Variants in TAFA5 observed in about 807,000 individuals in gnomAD.
TAFA5 encodes the protein TAFA chemokine like family member 5.
TAFA5 carries 6 observed loss-of-function variants against 15.3 expected under a neutral mutation model. The ratio of observed to expected loss-of-function variants is 0.39; its 90% confidence interval spans 0.21 to 0.77. The LOEUF (loss-of-function observed/expected upper bound fraction) is 0.77, where lower values mean the gene tolerates loss of function less well. Ranked by LOEUF, TAFA5 falls within the 30% of genes least tolerant of loss-of-function variation. TAFA5 has a pLI of 0.41. For synonymous variants in TAFA5, 103 were observed against 80.7 expected (o/e 1.28, Z -1.48); for missense variants, 161 against 193.1 (o/e 0.83, Z 0.98).
chr22:48,710,001 C>T (rs763551211), intron 3 of TAFA5, among the ~76,000 whole-genome samples: 2 of 152,224 alleles, frequency 1.3e-5, no homozygotes, highest in Admixed American at 6.5e-5. Context: ...AAGCGAGCAG[C>T]TCAGTGGCAT....
chr22:48,585,219 A>G (rs937214606), intron 1 of TAFA5, among the ~76,000 whole-genome samples: 15 of 89,798 alleles, frequency 1.7e-4, no homozygotes, highest in Non-Finnish European at 3.3e-4. Flanking sequence ...ACACACACAG[A>G]AACCCACAAA....
chr22:48,529,968 C>T (rs1311136165), intron 1 of TAFA5, among the ~76,000 whole-genome samples: 2 of 152,208 alleles, frequency 1.3e-5, no homozygotes, highest in East Asian at 3.9e-4. Flanking sequence ...GTTGGACACC[C>T]CCTGAGGACT....
intron 1 of TAFA5, among the ~76,000 whole-genome samples, chr22:48,531,025 G>A (rs1921952583): frequency 6.6e-6 from 1 of 152,122 alleles, no homozygotes; most frequent in East Asian, 1.9e-4. Context: ...CAGCCGGCAA[G>A]AGCTGGTCAT....
At chr22:48,576,249 G>C (rs964510767) in intron 1 of TAFA5, 161 of 347,338 alleles carry the variant, frequency 4.6e-4, no homozygotes, top group Non-Finnish European at 6.8e-4. Flanking sequence ...CCCCGCCCCC[G>C]CCCGCCCCCT....
chr22:48,612,872 C>T (rs1031292188), intron 1 of TAFA5, among the ~76,000 whole-genome samples: 3 of 152,142 alleles, frequency 2.0e-5, no homozygotes, highest in African/African-American at 4.8e-5. Flanking sequence ...GAGCCACGGC[C>T]GACTGGTCAT....
chr22:48,542,560 GT>G (rs1922472836), intron 1 of TAFA5, among the ~76,000 whole-genome samples: 1 of 44,202 alleles, frequency 2.3e-5, no homozygotes, highest in African/African-American at 1.1e-4. Flanking sequence ...GTGTATGTGT[GT>G]GTGGTGTGTG....
chr22:48,654,590 G>T (rs1927172411), intron 2 of TAFA5, among the ~76,000 whole-genome samples: 1 of 152,236 alleles, frequency 6.6e-6, no homozygotes, highest in African/African-American at 2.4e-5. Flanking sequence ...TCGTCCTGTT[G>T]GGCCCCTCTG....
chr22:48,641,435 C>T (rs6010556), intron 1 of TAFA5, among the ~76,000 whole-genome samples: 11 of 152,188 alleles, frequency 7.2e-5, no homozygotes, highest in South Asian at 2.1e-4. Context: ...CTCTGACTTC[C>T]GATTTTTGCC....
chr22:48,750,185 G>A lies in TAFA5; in HGVS notation c.*338G>A. The A allele has an allele frequency of 2.4e-6, 1 of 410,172 alleles. No homozygotes were observed. The highest frequency in any genetic ancestry group is 4.4e-6 in the Non-Finnish European group (1 of 225,600). 25.4% of individuals were successfully genotyped at this position (410,172 alleles called of 1,614,324 possible). A position where few individuals can be genotyped will look rare whatever the true frequency, so the allele number is the denominator to read the frequency against. ...GGAGGAGGAGGAGGCAGCTCCGGCA[G>A]CCACAGAAGGCTGCAGCCCAGCCCG... On this transcript the variant is annotated 3_prime_UTR_variant, in exon 4 of 4. Transcript: ENST00000402357.
At chr22:48,659,542 C>A (rs1228432869) in intron 2 of TAFA5, among the ~76,000 whole-genome samples, 1 of 152,254 alleles carries the variant, frequency 6.6e-6, no homozygotes, top group Non-Finnish European at 1.5e-5. Context: ...GGCTCCAAGT[C>A]AGGGAGCCCT....
At position 48,644,000 on chromosome 22, in the gene TAFA5, C is replaced by T. The variant is rs114591903; in HGVS notation, c.113-2597C>T. Among the ~76,000 whole-genome samples, 693 of 152,344 alleles carry T rather than the reference C, an allele frequency of 4.5e-3. 4 individuals carry two copies. Among genetic ancestry groups the T allele is most frequent in the African/African-American group, 0.016 (674 of 41,582 alleles). On this transcript the variant is annotated intron_variant, in intron 1 of 3. Coordinates refer to ENST00000402357, the MANE Select transcript of TAFA5 (RefSeq NM_001082967.3). Reference sequence around the variant, plus strand: ...AACGTAAGAACGTGTGCTCGGGACCCGTCCAGATGCGTGTTGCCCCACAGC... The same window carrying T: ...AACGTAAGAACGTGTGCTCGGGACCTGTCCAGATGCGTGTTGCCCCACAGC...
chr22:48,699,174 C>T (rs993383606), intron 2 of TAFA5, among the ~76,000 whole-genome samples: 1 of 152,052 alleles, frequency 6.6e-6, no homozygotes, highest in Admixed American at 6.6e-5. Context: ...CTCAGGTGAT[C>T]GACTAGCCTG....
chr22:48,648,485 C>T lies in TAFA5; in HGVS notation c.262+1739C>T, dbSNP rs1926943349. On this transcript the variant is annotated intron_variant, in intron 2 of 3. Coordinates refer to ENST00000402357, the MANE Select transcript of TAFA5 (RefSeq NM_001082967.3). ...GTCCATGGAGAAGGGATGGGGCGTA[C>T]AGAGACAGGGCCAAGGCATCCTGAG... 2.0e-5 allele frequency among the ~76,000 whole-genome samples: 3 copies of T among 152,160 alleles called. No homozygotes were observed. The South Asian group carries it at 6.2e-4, about 32-fold the overall frequency.
chr22:48,735,992 GGAGTCCA>G (rs1930005776), intron 3 of TAFA5, among the ~76,000 whole-genome samples: 2 of 14,090 alleles, frequency 1.4e-4, no homozygotes, highest in African/African-American at 2.7e-4. Context: ...TCGCACTCCT[GGAGTCCA>G]GAGTCCATCC....
chr22:48,496,954 G>A (rs1355522425), intron 1 of TAFA5, among the ~76,000 whole-genome samples: 1 of 152,176 alleles, frequency 6.6e-6, no homozygotes, highest in African/African-American at 2.4e-5. Context: ...CCAGAAAGAG[G>A]CTTGGCGCCC....
At chr22:48,576,717 G>C in intron 1 of TAFA5, 1 of 1,034,800 alleles carries the variant, frequency 9.7e-7, no homozygotes, top group Middle Eastern at 3.7e-4. Context: ...CGGAGCGGCC[G>C]GCGGCGCGAC....
chr22:48,548,897 A>T (rs966134670), intron 1 of TAFA5, among the ~76,000 whole-genome samples: 1 of 152,224 alleles, frequency 6.6e-6, no homozygotes, highest in African/African-American at 2.4e-5. Flanking sequence ...GACTAAAGTC[A>T]TTTGGTTTCA....
chr22:48,603,164 G>A (rs1035632760), intron 1 of TAFA5, among the ~76,000 whole-genome samples: 10 of 152,342 alleles, frequency 6.6e-5, no homozygotes, highest in Admixed American at 5.2e-4. Context: ...GGGTCGCCCC[G>A]GAAAAATGGG....
rs1423621130 is a variant in TAFA5 at position 48,646,734 on chromosome 22, G to A, written c.250G>A (p.Ala84Thr). Residue 84 changes from alanine (A) to threonine (T), a missense_variant, in exon 2 of 4, where the codon GCC (alanine) becomes ACC (threonine). Coordinates refer to ENST00000402357, the MANE Select transcript of TAFA5 (RefSeq NM_001082967.3). ...QIAGTTRARP[A>T]CVDARIIKTK... The stretch of plus-strand genomic sequence containing the variant: ...CGCCGGCACCACGAGAGCCCGGCCC[G>A]CCTGTGTGGACGGTAAGCACCCGTG... 3.2e-6 allele frequency: 5 copies of A among 1,582,058 alleles called. No homozygotes were observed. Among genetic ancestry groups the A allele is most frequent in the South Asian group, 1.1e-5 (1 of 88,574 alleles).
Sources: allele counts gnomAD v4.1 joint callset (sites outside exome capture counted in the v4.1 genomes callset), GRCh38; gene constraint gnomAD v4.1.1; transcripts MANE v1.5; gene names NCBI Gene and HGNC (gene_info 2026-07-23, HGNC 2026-07-21).